HOMER2: variants seen among roughly 807,000 people sequenced by gnomAD.
The protein encoded by HOMER2 is homer protein homolog 2.
A neutral mutation model predicts 47.0 loss-of-function variants in HOMER2; 27 were observed. The ratio of observed to expected loss-of-function variants is 0.57; its 90% confidence interval spans 0.42 to 0.79. HOMER2 has a LOEUF of 0.79. Ranked by LOEUF, HOMER2 falls within the 30% of genes least tolerant of loss-of-function variation. HOMER2 has a pLI of 0.00. For missense variants in HOMER2, 443 were observed against 435.0 expected (o/e 1.02, Z -0.16); for synonymous variants, 161 against 163.8 (o/e 0.98, Z 0.13).
intron 1 of HOMER2, among the ~76,000 whole-genome samples, chr15:82,932,400 C>T (rs950013573): frequency 6.6e-6 from 1 of 151,608 alleles, no homozygotes; most frequent in African/African-American, 2.4e-5. Context: ...GAGGCTCAGG[C>T]AGGAGAATCG....
chr15:82,951,740 C>T (rs1470077088), intron 1 of HOMER2, among the ~76,000 whole-genome samples: 1 of 152,220 alleles, frequency 6.6e-6, no homozygotes, highest in Non-Finnish European at 1.5e-5. Flanking sequence ...CACTTTGTGC[C>T]TCAGTTTCCT....
In HOMER2 at chr15:82,913,173, T is replaced by G. The variant is rs577951406; in HGVS notation, c.6-20332A>C. Among the ~76,000 whole-genome samples, 1 of 152,172 alleles carries G rather than the reference T, an allele frequency of 6.6e-6. No homozygotes were observed. The highest frequency in any genetic ancestry group is 1.5e-5 in the Non-Finnish European group (1 of 68,040). On this transcript the variant is annotated intron_variant, in intron 1 of 8. Coordinates refer to ENST00000450735, the MANE Select transcript of HOMER2 (RefSeq NM_004839.4). The surrounding 1 kb of genome is among the most constrained non-coding windows in gnomAD (Gnocchi z 4.1). ...AGACGACGAAGATGTCATACTGGACTCTGCTATTCACTCCTTGTATGAAGT... is the reference window on the plus strand; with the variant it reads ...AGACGACGAAGATGTCATACTGGACGCTGCTATTCACTCCTTGTATGAAGT...
intron 1 of HOMER2, 52 bp from the exon 2 acceptor site, chr15:82,892,893 A>G: frequency 2.2e-6 from 3 of 1,381,018 alleles, no homozygotes; most frequent in South Asian, 4.1e-5. Context: ...TTAATGTATA[A>G]TTTATGATTT....
chr15:82,856,362 C>T (rs1316085412), intron 5 of HOMER2, among the ~76,000 whole-genome samples: 1 of 152,090 alleles, frequency 6.6e-6, no homozygotes, highest in African/African-American at 2.4e-5. Flanking sequence ...CCTATAATCC[C>T]AGCACTTTGG....
rs1020488005 is a variant in HOMER2 at position 82,930,895 on chromosome 15, G to A, written c.5+21636C>T. Among the ~76,000 whole-genome samples, 16 of 151,430 alleles carry A rather than the reference G, an allele frequency of 1.1e-4. No homozygotes were observed. The East Asian group carries it at 1.9e-3, about 18-fold the overall frequency. ...ACCAAAGTTAGTCGGGTGTGGTGGC[G>A]GGCACCTGTAATCCCAGCTACTTGG... On this transcript the variant is annotated intron_variant, in intron 1 of 8. Transcript: ENST00000450735.
At chr15:82,841,045 A>T (rs2051171312) in exon 2 of HOMER2, 1 of 152,144 alleles carries the variant, frequency 6.6e-6, no homozygotes, top group South Asian at 2.1e-4. Flanking sequence ...GGTATGAAAA[A>T]TTCCATAATA....
At chr15:82,983,340 T>C (rs1403752168) in intron 1 of HOMER2, among the ~76,000 whole-genome samples, 3 of 152,216 alleles carry the variant, frequency 2.0e-5, no homozygotes, top group Admixed American at 2.0e-4. Flanking sequence ...ATTTCAACTA[T>C]TGTTTCTTCA....
At chr15:82,966,093 C>G (rs1243459120) in intron 1 of HOMER2, among the ~76,000 whole-genome samples, 1 of 151,946 alleles carries the variant, frequency 6.6e-6, no homozygotes, top group Non-Finnish European at 1.5e-5. Flanking sequence ...AGAGTGAGAC[C>G]CTGTCCCCTA....
At chr15:82,986,039 T>G (rs1435554338), upstream of HOMER2, 11 of 984,664 alleles carry the variant, frequency 1.1e-5, no homozygotes, top group Non-Finnish European at 1.3e-5. Context: ...TGAAAGTGCA[T>G]GGAGGGCATC....
At chr15:82,880,723 G>A (rs534073782) in intron 2 of HOMER2, among the ~76,000 whole-genome samples, 22 of 152,282 alleles carry the variant, frequency 1.4e-4, no homozygotes, top group African/African-American at 5.3e-4. Context: ...GGCGTCAGAG[G>A]AGATACGAGA....
intron 1 of HOMER2, among the ~76,000 whole-genome samples, chr15:82,899,300 G>A (rs1159324151): frequency 6.6e-6 from 1 of 152,226 alleles, no homozygotes; most frequent in Non-Finnish European, 1.5e-5. Context: ...AGCATCTTGT[G>A]AAGTCTGATT....
intron 1 of HOMER2, among the ~76,000 whole-genome samples, chr15:82,946,391 C>T (rs371795932): frequency 1.3e-5 from 2 of 152,336 alleles, no homozygotes; most frequent in African/African-American, 4.8e-5. Context: ...TCCCTGACCT[C>T]TTCACCTTCG....
intron 5 of HOMER2, among the ~76,000 whole-genome samples, chr15:82,857,281 G>A (rs183216572): frequency 6.6e-6 from 1 of 152,236 alleles, no homozygotes; most frequent in Admixed American, 6.5e-5. Context: ...GCCCTCACCA[G>A]ACACCAAATC....
At chr15:82,845,114 TCAC>T (rs1377347837), downstream of HOMER2, 7 of 152,038 alleles carry the variant, frequency 4.6e-5, no homozygotes, top group African/African-American at 7.3e-5. Context: ...AGAACATAGA[TCAC>T]CACCACCAGA....
At chr15:82,933,913 A>G (rs2054076203) in intron 1 of HOMER2, among the ~76,000 whole-genome samples, 1 of 152,090 alleles carries the variant, frequency 6.6e-6, no homozygotes, top group Non-Finnish European at 1.5e-5. Context: ...GAAGGGGTGG[A>G]CACCACACTT....
intron 1 of HOMER2, among the ~76,000 whole-genome samples, chr15:82,959,494 G>T (rs192085710): frequency 6.6e-6 from 1 of 152,186 alleles, no homozygotes; most frequent in African/African-American, 2.4e-5. Flanking sequence ...TGAAAGGGCC[G>T]GTCTGGAGAG....
upstream of HOMER2, chr15:82,952,827 G>T: frequency 1.8e-6 from 1 of 541,120 alleles, no homozygotes; most frequent in Non-Finnish European, 2.4e-6. Context: ...CCGGGCCGCG[G>T]CAGCGAGCCA....
At chr15:82,851,972 G>C (rs1309454089) in intron 7 of HOMER2, among the ~76,000 whole-genome samples, 170 bp downstream of exon 7, 2 of 152,166 alleles carry the variant, frequency 1.3e-5, no homozygotes, top group Non-Finnish European at 2.9e-5. Flanking sequence ...AGGTCATGGG[G>C]AGGCCTTTGC....
At chr15:82,984,279 G>A (rs1018267665) in intron 1 of HOMER2, among the ~76,000 whole-genome samples, 4 of 151,874 alleles carry the variant, frequency 2.6e-5, no homozygotes, top group African/African-American at 7.2e-5. Flanking sequence ...TGATCCACCC[G>A]CCTCGACCTC....
Sources: allele counts gnomAD v4.1 joint callset (sites outside exome capture counted in the v4.1 genomes callset), GRCh38; gene constraint gnomAD v4.1.1; non-coding constraint Gnocchi (gnomAD v3.1); transcripts MANE v1.5; gene names NCBI Gene and HGNC (gene_info 2026-07-23, HGNC 2026-07-21).